Variants in ARHGAP26 observed in about 807,000 individuals in gnomAD.
ARHGAP26 encodes rho GTPase-activating protein 26.
Under a neutral mutation model 104.8 loss-of-function variants are expected in ARHGAP26, and 38 were observed. The observed-to-expected ratio is 0.36, with a 90% CI of 0.28 to 0.48. ARHGAP26 has a LOEUF of 0.48. ARHGAP26 is among the 20% of genes least tolerant of loss of function. ARHGAP26 has a pLI of 0.99. For synonymous variants in ARHGAP26, 341 were observed against 340.0 expected (o/e 1.00, Z -0.03); for missense variants, 704 against 947.9 (o/e 0.74, Z 3.38).
rs575330385 is a variant in ARHGAP26 at position 142,806,670 on chromosome 5, A to G, written c.154+35755A>G. ...TAGAGTGATGCCTGGACGACATCAC[A>G]GTGAAAGATTAGTGCAACGAAGAAA... On this transcript the variant is annotated intron_variant, in intron 1 of 22. Transcript: ENST00000645722. 1.8e-3 allele frequency among the ~76,000 whole-genome samples: 272 copies of G among 152,302 alleles called. 1 individual carries two copies. Among genetic ancestry groups the G allele is most frequent in the African/African-American group, 6.2e-3 (258 of 41,568 alleles).
At chr5:143,147,757 G>A (rs1463863534) in intron 20 of ARHGAP26, among the ~76,000 whole-genome samples, 5 of 152,114 alleles carry the variant, frequency 3.3e-5, no homozygotes, top group African/African-American at 1.2e-4. Flanking sequence ...TGTTGTCTCG[G>A]TTTCCCTCCC....
chr5:142,812,108 C>T (rs1034661303), intron 1 of ARHGAP26, among the ~76,000 whole-genome samples: 4 of 152,120 alleles, frequency 2.6e-5, no homozygotes, highest in African/African-American at 9.7e-5. Context: ...CGTCTACTGC[C>T]TTTTCCCCCC....
intron 5 of ARHGAP26, among the ~76,000 whole-genome samples, chr5:142,892,540 A>T (rs1758812070): frequency 6.6e-6 from 1 of 152,000 alleles, no homozygotes; most frequent in Admixed American, 6.5e-5. Context: ...ATGTATGTAC[A>T]GCTATGGGCA....
chr5:142,776,525 C>G (rs919463677), intron 1 of ARHGAP26, among the ~76,000 whole-genome samples: 28 of 152,202 alleles, frequency 1.8e-4, no homozygotes, highest in Admixed American at 7.2e-4. Flanking sequence ...TGGCTTCTTT[C>G]ACTAAGCATG....
chr5:142,910,201 C>T (rs879880641), intron 9 of ARHGAP26, among the ~76,000 whole-genome samples: 1 of 152,072 alleles, frequency 6.6e-6, no homozygotes, highest in Non-Finnish European at 1.5e-5. Context: ...CCTCCTTTTA[C>T]AAAGGAGGAC....
chr5:142,810,776 A>G (rs1417015600), intron 1 of ARHGAP26, among the ~76,000 whole-genome samples: 1 of 152,160 alleles, frequency 6.6e-6, no homozygotes, highest in Non-Finnish European at 1.5e-5. Flanking sequence ...TTTTGAAGGG[A>G]CACTCTTCGT....
At chr5:143,013,081 G>T (rs560154551) in intron 11 of ARHGAP26, among the ~76,000 whole-genome samples, 1 of 152,164 alleles carries the variant, frequency 6.6e-6, no homozygotes, top group Admixed American at 6.5e-5. Flanking sequence ...CATAAGCCAA[G>T]CATCATATTT....
intron 1 of ARHGAP26, among the ~76,000 whole-genome samples, chr5:142,773,002 G>A (rs1162841385): frequency 6.6e-6 from 1 of 151,952 alleles, no homozygotes; most frequent in African/African-American, 2.4e-5. Flanking sequence ...AAGACTGATG[G>A]GGATCTCGGT....
rs1780135093 is a variant in ARHGAP26 at position 143,020,284 on chromosome 5, T to C, written c.1144+6168T>C. On this transcript the variant is annotated intron_variant, in intron 12 of 22. Coordinates refer to ENST00000645722, the MANE Select transcript of ARHGAP26 (RefSeq NM_001135608.3). ...CTTAAGGGCAGGTGGCACTGAGATA[T>C]ATGAGTACCGAGAGGTAAGGACACT... Among the ~76,000 whole-genome samples, 5 of 152,198 alleles carry C rather than the reference T, an allele frequency of 3.3e-5. No homozygotes were observed. In the South Asian group the frequency reaches 1.0e-3, roughly 32 times the overall value.
At chr5:142,983,062 G>T (rs1774183614) in intron 11 of ARHGAP26, among the ~76,000 whole-genome samples, 1 of 152,218 alleles carries the variant, frequency 6.6e-6, no homozygotes, top group Admixed American at 6.5e-5. Flanking sequence ...GTTGCCCTTT[G>T]TTGGCTGGTG....
At position 142,871,880 on chromosome 5, in the gene ARHGAP26, C is replaced by G. The variant is rs1755356112; in HGVS notation, c.155-1520C>G. The stretch of plus-strand genomic sequence containing the variant: ...ATCGGAGACTGTTGGCTCCTGTGTT[C>G]CCCTTCTCCACCCCAAGTGCCTTCT... On this transcript the variant is annotated intron_variant, in intron 1 of 22. Coordinates refer to ENST00000645722, the MANE Select transcript of ARHGAP26 (RefSeq NM_001135608.3). The surrounding 1 kb of genome is among the most constrained non-coding windows in gnomAD (Gnocchi z 4.1). Among the ~76,000 whole-genome samples the G allele has an allele frequency of 6.6e-6, 1 of 152,198 alleles. No homozygotes were observed. Among genetic ancestry groups the G allele is most frequent in the Non-Finnish European group, 1.5e-5 (1 of 68,040 alleles).
intron 16 of ARHGAP26, among the ~76,000 whole-genome samples, chr5:143,056,927 G>A (rs1785912908): frequency 1.3e-5 from 2 of 152,160 alleles, no homozygotes; most frequent in Non-Finnish European, 1.5e-5. Context: ...TGGTGTTTAT[G>A]TCATTTCTTT....
chr5:142,921,733 ACT>A (rs1158484216), intron 10 of ARHGAP26: 2 of 157,286 alleles, frequency 1.3e-5, no homozygotes, highest in African/African-American at 4.8e-5. Context: ...TAGCTGTGTG[ACT>A]CTGGGTAAGT....
At chr5:142,839,377 T>TA (rs778490900) in intron 1 of ARHGAP26, among the ~76,000 whole-genome samples, 15 of 151,952 alleles carry the variant, frequency 9.9e-5, no homozygotes, top group Non-Finnish European at 1.8e-4. Context: ...TTTTTTTTTT[T>TA]ATTTCTTTTA....
chr5:143,065,287 C>T (rs1053309454), intron 17 of ARHGAP26, among the ~76,000 whole-genome samples: 2 of 152,074 alleles, frequency 1.3e-5, no homozygotes, highest in African/African-American at 4.8e-5. Flanking sequence ...TAAATTGATT[C>T]GCTCACACTG....
At chr5:142,889,011 G>C (rs1451036546) in intron 5 of ARHGAP26, among the ~76,000 whole-genome samples, 1 of 152,186 alleles carries the variant, frequency 6.6e-6, no homozygotes, top group East Asian at 1.9e-4. Context: ...CCATTGCAGG[G>C]GGCCCAAGGA....
chr5:143,136,583 G>A (rs1187314424), intron 19 of ARHGAP26, among the ~76,000 whole-genome samples: 1 of 151,986 alleles, frequency 6.6e-6, no homozygotes, highest in East Asian at 1.9e-4. Flanking sequence ...TTTCTGCGAA[G>A]CTAGCATACT....
chr5:143,041,092 A>G (rs1783401342), intron 13 of ARHGAP26, among the ~76,000 whole-genome samples: 1 of 152,210 alleles, frequency 6.6e-6, no homozygotes, highest in South Asian at 2.1e-4. Flanking sequence ...AACTAATAGG[A>G]GAAAAATCAT....
chr5:142,861,349 C>T (rs893520647), intron 1 of ARHGAP26, among the ~76,000 whole-genome samples: 8 of 149,080 alleles, frequency 5.4e-5, no homozygotes, highest in Admixed American at 1.3e-4. Context: ...TGGCTAGGTC[C>T]GTTTTTTTTT....
Sources: gnomAD v4.1 joint callset for allele counts (sites outside exome capture counted in the v4.1 genomes callset) on GRCh38, gnomAD v4.1.1 for gene constraint, Gnocchi (gnomAD v3.1) non-coding constraint, MANE v1.5 for transcripts, NCBI Gene and HGNC (gene_info 2026-07-23, HGNC 2026-07-21) for gene names.